Variants in DRAM1 observed in about 807,000 individuals in gnomAD.
The protein encoded by DRAM1 is DNA damage-regulated autophagy modulator protein 1.
A neutral mutation model predicts 28.5 loss-of-function variants in DRAM1; 25 were observed. The observed-to-expected ratio is 0.88, with a 90% CI of 0.64 to 1.23. The LOEUF (loss-of-function observed/expected upper bound fraction) is 1.23. Among genes scored for constraint, DRAM1 ranks in the 50% most tolerant of loss-of-function variants. DRAM1 has a pLI of 0.00. For missense variants in DRAM1, 249 were observed against 299.2 expected (o/e 0.83, Z 1.24); for synonymous variants, 113 against 114.2 (o/e 0.99, Z 0.07).
chr12:101,879,965 T>C (rs112225118), intron 1 of DRAM1, among the ~76,000 whole-genome samples: 64 of 149,768 alleles, frequency 4.3e-4, no homozygotes, highest in African/African-American at 1.5e-3. Flanking sequence ...CACTCCAGCC[T>C]GGTGACAGAG....
chr12:101,917,091 A>T (rs948316199), intron 5 of DRAM1, among the ~76,000 whole-genome samples: 2 of 152,224 alleles, frequency 1.3e-5, no homozygotes, highest in Admixed American at 6.5e-5. Context: ...AAGTCCCTCA[A>T]TTTGGGCAAT....
At chr12:101,894,561 A>T (rs569592333) in intron 1 of DRAM1, among the ~76,000 whole-genome samples, 23 of 151,866 alleles carry the variant, frequency 1.5e-4, no homozygotes, top group Admixed American at 1.1e-3. Context: ...CTCCACCTGT[A>T]TGGTTTTAAA....
At chr12:101,881,440 T>C (rs2121002016) in intron 1 of DRAM1, among the ~76,000 whole-genome samples, 1 of 152,250 alleles carries the variant, frequency 6.6e-6, no homozygotes, top group East Asian at 1.9e-4. Context: ...AGCAATCCCC[T>C]GACCTCAGCC....
intron 1 of DRAM1, among the ~76,000 whole-genome samples, chr12:101,880,997 A>T (rs1332950768): frequency 6.6e-6 from 1 of 152,174 alleles, no homozygotes; most frequent in Non-Finnish European, 1.5e-5. Flanking sequence ...CTCTCTGCTT[A>T]CCTGAGCAGC....
chr12:101,879,854 C>T (rs949050542), intron 1 of DRAM1, among the ~76,000 whole-genome samples: 2 of 151,972 alleles, frequency 1.3e-5, no homozygotes, highest in South Asian at 2.1e-4. Context: ...ATTAGCTGGG[C>T]GTGGTGGTGC....
Position 101,901,295 on chromosome 12 carries a change from A to G in DRAM1, c.204A>G (p.Ala68=), listed in dbSNP as rs1394941667. 6.2e-7 allele frequency: 1 copy of G among 1,609,584 alleles called. No individual in the cohort carries two copies. ...CAAAGTTCTCTTCTTTTTCAGGTGC[A>G]GCCACGATGTATACAAGATACAAAA... ...FMINFSAFLG[A]ATMYTRYKIV... is the part of the protein sequence containing the mutation. Residue 68 remains alanine, a synonymous_variant, in exon 3 of 7, where the codon GCA becomes GCG. Coordinates refer to ENST00000258534, the MANE Select transcript of DRAM1 (RefSeq NM_018370.3).
At chr12:101,885,099 A>G (rs1471037792) in intron 1 of DRAM1, among the ~76,000 whole-genome samples, 2 of 151,946 alleles carry the variant, frequency 1.3e-5, no homozygotes, top group East Asian at 1.9e-4. Flanking sequence ...ACGCCCGGCT[A>G]ATTTTGTATT....
chr12:101,897,794 T>C, intron 1 of DRAM1, 69 bp from the exon 2 acceptor site: 2 of 1,121,006 alleles, frequency 1.8e-6, no homozygotes, highest in Non-Finnish European at 2.7e-6. Flanking sequence ...AACTCGCCAA[T>C]TACGTGTCTT....
chr12:101,893,704 T>C (rs887785184), intron 1 of DRAM1, among the ~76,000 whole-genome samples: 2 of 152,074 alleles, frequency 1.3e-5, no homozygotes, highest in Non-Finnish European at 2.9e-5. Context: ...AACTGATATA[T>C]GGTAAGCACC....
intron 3 of DRAM1, 119 bp downstream of exon 3, chr12:101,901,552 A>C (rs1354339757): frequency 8.0e-7 from 1 of 1,245,952 alleles, no homozygotes. Context: ...TGATGAGTTT[A>C]CAATAAGTGG....
intron 3 of DRAM1, among the ~76,000 whole-genome samples, chr12:101,907,041 C>G (rs17032046): frequency 0.11 from 16,919 of 149,686 alleles, 1,003 homozygotes; most frequent in Middle Eastern, 0.18. Flanking sequence ...AGCTGCCTTT[C>G]AAAAAAAATT....
chr12:101,890,592 A>C (rs1197552559), intron 1 of DRAM1, among the ~76,000 whole-genome samples: 2 of 54,942 alleles, frequency 3.6e-5, no homozygotes, highest in East Asian at 2.2e-3. Flanking sequence ...TCCTTTAAAA[A>C]CATGTTGTAT....
chr12:101,908,125 C>A, intron 3 of DRAM1, 61 bp from the exon 4 acceptor site: 1 of 1,446,626 alleles, frequency 6.9e-7, no homozygotes, highest in Non-Finnish European at 9.4e-7. Context: ...AGTGAGAGTG[C>A]TTGCGGTTCG....
At chr12:101,907,841 C>T (rs1197499466) in intron 3 of DRAM1, among the ~76,000 whole-genome samples, 1 of 152,142 alleles carries the variant, frequency 6.6e-6, no homozygotes, top group Non-Finnish European at 1.5e-5. Flanking sequence ...TTTTTAGATA[C>T]AGAAATCGAG....
intron 5 of DRAM1, among the ~76,000 whole-genome samples, chr12:101,917,532 A>C (rs1874294771): frequency 6.6e-6 from 1 of 150,404 alleles, no homozygotes; most frequent in African/African-American, 2.5e-5. Flanking sequence ...ACTAAAAAAA[A>C]AAAAAATTTT....
chr12:101,897,955 A>G, intron 2 of DRAM1, 25 bp downstream of exon 2: 1 of 1,369,508 alleles, frequency 7.3e-7, no homozygotes, highest in Non-Finnish European at 1.0e-6. Context: ...ATTATTATAA[A>G]TAATTGAAAA....
intron 5 of DRAM1, among the ~76,000 whole-genome samples, chr12:101,915,952 A>G (rs562948409): frequency 6.6e-6 from 1 of 152,342 alleles, no homozygotes; most frequent in South Asian, 2.1e-4. Context: ...AGAGCTTGGC[A>G]TTAGGAGGGC....
intron 1 of DRAM1, among the ~76,000 whole-genome samples, chr12:101,879,269 A>T (rs1318847408): frequency 6.6e-6 from 1 of 152,182 alleles, no homozygotes; most frequent in African/African-American, 2.4e-5. Context: ...AAATGCTAGG[A>T]TTACAGGTGT....
intron 1 of DRAM1, among the ~76,000 whole-genome samples, chr12:101,879,585 C>T (rs1026065778): frequency 6.6e-6 from 1 of 152,186 alleles, no homozygotes; most frequent in Non-Finnish European, 1.5e-5. Flanking sequence ...CTGGCCCTCC[C>T]ATCTGGTATT....
Sources: allele counts gnomAD v4.1 joint callset (sites outside exome capture counted in the v4.1 genomes callset), GRCh38; gene constraint gnomAD v4.1.1; transcripts MANE v1.5; gene names NCBI Gene and HGNC (gene_info 2026-07-23, HGNC 2026-07-21).